Variants in DPP6 observed in about 807,000 individuals in gnomAD.
The protein encoded by DPP6 is A-type potassium channel modulatory protein DPP6.
A neutral mutation model predicts 122.6 loss-of-function variants in DPP6; 69 were observed. The ratio of observed to expected loss-of-function variants is 0.56; its 90% CI spans 0.46 to 0.69. DPP6 has a LOEUF of 0.69. Ranked by LOEUF, DPP6 falls within the 30% of genes least tolerant of loss-of-function variation. The pLI is 0.00. For missense variants in DPP6, 928 were observed against 1,116.9 expected, an observed-to-expected ratio of 0.83 and a Z score of 2.41; for synonymous variants, 418 against 433.1, an observed-to-expected ratio of 0.97 and a Z score of 0.43.
intron 1 of DPP6, among the ~76,000 whole-genome samples, chr7:154,291,903 G>T (rs1210848496): frequency 6.6e-6 from 1 of 152,130 alleles, no homozygotes; most frequent in Non-Finnish European, 1.5e-5. Flanking sequence ...TAATACCTCA[G>T]AATAAAGGAG....
intron 1 of DPP6, among the ~76,000 whole-genome samples, chr7:154,061,281 G>A (rs371668885): frequency 6.1e-3 from 904 of 149,066 alleles, no homozygotes; most frequent in Admixed American, 0.054. Context: ...AGTTTTTCAT[G>A]AGTTACAAGA....
the DPP6 span, among the ~76,000 whole-genome samples, chr7:153,833,866 C>T: frequency 6.6e-6 from 1 of 152,162 alleles, no homozygotes; most frequent in Admixed American, 6.5e-5. Context: ...ATGCATTCTG[C>T]TTTCATCTCT....
chr7:154,274,517 A>T (rs1370053107), intron 1 of DPP6, among the ~76,000 whole-genome samples: 1 of 152,178 alleles, frequency 6.6e-6, no homozygotes, highest in Non-Finnish European at 1.5e-5. Context: ...TGACGAGGTG[A>T]GTCCTTCACC....
At chr7:154,477,381 A>G (rs1822841359) in intron 3 of DPP6, among the ~76,000 whole-genome samples, 1 of 152,156 alleles carries the variant, frequency 6.6e-6, no homozygotes, top group Admixed American at 6.5e-5. Context: ...AAGGGACACC[A>G]AACCTGAGCT....
chr7:154,180,011 T>C (rs1026300249), intron 1 of DPP6, among the ~76,000 whole-genome samples: 8 of 152,182 alleles, frequency 5.3e-5, no homozygotes, highest in African/African-American at 1.4e-4. Context: ...GAAAGGTCTT[T>C]TTGTATAGAA....
chr7:154,153,592 G>T (rs1349807074), intron 1 of DPP6, among the ~76,000 whole-genome samples: 1 of 152,142 alleles, frequency 6.6e-6, no homozygotes, highest in Admixed American at 6.5e-5. Flanking sequence ...TACACCTGCA[G>T]GTCCACCCTC....
intron 1 of DPP6, among the ~76,000 whole-genome samples, chr7:154,054,411 T>C (rs1447690758): frequency 6.6e-6 from 1 of 151,882 alleles, no homozygotes; most frequent in Non-Finnish European, 1.5e-5. Context: ...TTGGTAGTTT[T>C]TGTTTTATGA....
At chr7:154,735,979 C>T (rs989499615) in intron 8 of DPP6, among the ~76,000 whole-genome samples, 1 of 152,218 alleles carries the variant, frequency 6.6e-6, no homozygotes, top group African/African-American at 2.4e-5. Context: ...CTGCTCTCAA[C>T]GTAGCAATCA....
chr7:153,938,140 G>A (rs1801543297), intron 1 of DPP6, among the ~76,000 whole-genome samples: 1 of 152,134 alleles, frequency 6.6e-6, no homozygotes, highest in African/African-American at 2.4e-5. Context: ...CTCCCTGGTT[G>A]GAAGGAATGA....
chr7:154,473,147 GA>G (rs1311036471), intron 2 of DPP6, among the ~76,000 whole-genome samples: 1 of 152,154 alleles, frequency 6.6e-6, no homozygotes, highest in Non-Finnish European at 1.5e-5. Flanking sequence ...ACGTACTTAA[GA>G]ATGTCTCAGG....
intron 16 of DPP6, among the ~76,000 whole-genome samples, chr7:154,851,589 G>A (rs1027577501): frequency 2.6e-5 from 4 of 152,168 alleles, no homozygotes; most frequent in Non-Finnish European, 4.4e-5. Context: ...CTTTTGGTAA[G>A]TGCTGCCTCT....
At chr7:154,719,163 C>T (rs1399933658) in intron 7 of DPP6, among the ~76,000 whole-genome samples, 1 of 152,160 alleles carries the variant, frequency 6.6e-6, no homozygotes, top group Non-Finnish European at 1.5e-5. Flanking sequence ...AACTCGAGTA[C>T]AGAGGCTACT....
intron 17 of DPP6, among the ~76,000 whole-genome samples, chr7:154,867,632 A>G (rs1424937976): frequency 1.3e-5 from 2 of 152,180 alleles, no homozygotes; most frequent in Non-Finnish European, 2.9e-5. Context: ...TTGGAAAACC[A>G]TTTGTCCTAA....
chr7:154,697,860 G>T (rs1048740193), intron 7 of DPP6, among the ~76,000 whole-genome samples: 1 of 152,142 alleles, frequency 6.6e-6, no homozygotes, highest in African/African-American at 2.4e-5. Context: ...TTTGTCTACA[G>T]GTCTTTCCCG....
chr7:154,343,743 G>A (rs952853711), intron 1 of DPP6, among the ~76,000 whole-genome samples: 3 of 152,178 alleles, frequency 2.0e-5, no homozygotes, highest in Admixed American at 2.0e-4. Flanking sequence ...ACCATGCCTA[G>A]CTAATTTTTG....
At chr7:153,837,034 A>G in the DPP6 span, among the ~76,000 whole-genome samples, 61 of 152,328 alleles carry the variant, frequency 4.0e-4, no homozygotes, top group South Asian at 0.012. Flanking sequence ...CAACGTGCTC[A>G]TTGTAATCAT....
At chr7:154,806,296 T>C (rs1425862010) in intron 15 of DPP6, among the ~76,000 whole-genome samples, 2 of 152,210 alleles carry the variant, frequency 1.3e-5, no homozygotes, top group African/African-American at 4.8e-5. Flanking sequence ...CGGCAAAATG[T>C]TCAGATAAGA....
chr7:153,906,544 A>G (rs1799859499), intron 1 of DPP6, among the ~76,000 whole-genome samples: 2 of 152,158 alleles, frequency 1.3e-5, no homozygotes, highest in African/African-American at 4.8e-5. Context: ...TCGGCCTCCC[A>G]GGCTCAGGTA....
intron 1 of DPP6, among the ~76,000 whole-genome samples, chr7:153,975,273 A>G (rs1796237896): frequency 6.6e-6 from 1 of 151,774 alleles, no homozygotes; most frequent in Non-Finnish European, 1.5e-5. Flanking sequence ...TTATGAAAGG[A>G]GTCTTCTGTG....
Sources: gnomAD v4.1 joint callset for allele counts (sites outside exome capture counted in the v4.1 genomes callset) on GRCh38, gnomAD v4.1.1 for gene constraint, MANE v1.5 for transcripts, NCBI Gene and HGNC (gene_info 2026-07-23, HGNC 2026-07-21) for gene names.